MGRN1: variants seen among roughly 807,000 people sequenced by gnomAD.
The protein encoded by MGRN1 is mahogunin ring finger 1.
MGRN1 carries 29 observed loss-of-function variants against 69.2 expected under a neutral mutation model. The ratio of observed to expected loss-of-function variants is 0.42; its 90% CI spans 0.31 to 0.57. The LOEUF (loss-of-function observed/expected upper bound fraction) is 0.57. MGRN1 is among the 20% of genes least tolerant of loss of function. The probability of loss-of-function intolerance (pLI) is 0.15; values close to 1 mark genes in which losing one functional copy is unlikely to be tolerated. For synonymous variants in MGRN1, 470 were observed against 344.2 expected (o/e 1.37, Z -4.04); for missense variants, 998 against 796.2 (o/e 1.25, Z -3.05).
At chr16:4,645,145 C>CG (rs1555449009) in intron 1 of MGRN1, among the ~76,000 whole-genome samples, 4 of 4,284 alleles carry the variant, frequency 9.3e-4, no homozygotes, top group African/African-American at 3.0e-3. Context: ...TGAGAGTTGG[C>CG]GGGGGTGGGG....
At chr16:4,639,813 C>G (rs2078118031) in intron 1 of MGRN1, 3 of 152,246 alleles carry the variant, frequency 2.0e-5, no homozygotes, top group Admixed American at 2.0e-4. Flanking sequence ...GAACTCTGGT[C>G]TGATAAACAT....
At chr16:4,634,177 G>A (rs1243768340) in intron 1 of MGRN1, among the ~76,000 whole-genome samples, 1 of 152,244 alleles carries the variant, frequency 6.6e-6, no homozygotes, top group Non-Finnish European at 1.5e-5. Context: ...TGGGGCCCCA[G>A]GTTTCCCTGG....
intron 16 of MGRN1, chr16:4,688,339 C>T: frequency 2.0e-6 from 2 of 989,876 alleles, no homozygotes; most frequent in Non-Finnish European, 2.4e-6. Flanking sequence ...CAGTAGCCAT[C>T]CGGGGGCTAC....
At chr16:4,667,253 T>C (rs2078825995) in intron 7 of MGRN1, among the ~76,000 whole-genome samples, 1 of 152,156 alleles carries the variant, frequency 6.6e-6, no homozygotes, top group South Asian at 2.1e-4. Context: ...GTGATCTGGG[T>C]CTTTCTAGAG....
At chr16:4,654,569 T>A (rs1455148522) in intron 4 of MGRN1, among the ~76,000 whole-genome samples, 2 of 152,194 alleles carry the variant, frequency 1.3e-5, no homozygotes, top group African/African-American at 4.8e-5. Context: ...AGTGGTCAGC[T>A]TTGCATCTGG....
intron 3 of MGRN1, 122 bp from the exon 4 acceptor site, chr16:4,652,556 A>T: frequency 7.8e-7 from 1 of 1,281,114 alleles, no homozygotes; most frequent in Non-Finnish European, 1.0e-6. Context: ...CCCTATGTCT[A>T]CTGGAGAAGC....
At chr16:4,634,196 T>G (rs1477910667) in intron 1 of MGRN1, 2 of 152,290 alleles carry the variant, frequency 1.3e-5, no homozygotes, top group African/African-American at 2.4e-5. Context: ...GGCTGAGCCC[T>G]GGGGGTCACC....
intron 5 of MGRN1, 134 bp downstream of exon 5, chr16:4,657,497 T>G (rs1271663944): frequency 4.7e-6 from 4 of 857,286 alleles, no homozygotes; most frequent in Non-Finnish European, 7.5e-6. Flanking sequence ...GCCGCCCCAG[T>G]CTGTGCTCAG....
rs908841261 is a variant in MGRN1 at position 4,690,104 on chromosome 16, C to T, written c.*1196C>T. On this transcript the variant is annotated 3_prime_UTR_variant, in exon 17 of 17. Coordinates refer to ENST00000262370, the MANE Select transcript of MGRN1 (RefSeq NM_015246.4). ...CTGATTTGGTTTGTTCTGTCTCAGG[C>T]TTCTGTGGCAGGACTGGCCCAGGGA... is the stretch of plus-strand genomic sequence containing the variant. 1.3e-5 allele frequency: 2 copies of T among 152,412 alleles called. No homozygotes were observed. The highest frequency in any genetic ancestry group is 4.8e-5 in the African/African-American group (2 of 41,462). The allele number at this position is 152,412 out of a possible 1,614,324, so 9.4% of individuals were successfully genotyped here.
intron 2 of MGRN1, chr16:4,650,756 C>T (rs150256701): frequency 2.5e-5 from 8 of 325,494 alleles, no homozygotes; most frequent in African/African-American, 6.4e-5. Context: ...GCAACGGCTG[C>T]GGAACATGGT....
intron 4 of MGRN1, among the ~76,000 whole-genome samples, chr16:4,653,484 T>A (rs1053906531): frequency 1.3e-5 from 2 of 151,912 alleles, no homozygotes; most frequent in African/African-American, 2.4e-5. Context: ...GGTTTTTGTT[T>A]TGTTTTTGTT....
intron 16 of MGRN1, among the ~76,000 whole-genome samples, chr16:4,685,922 C>G (rs957058475): frequency 2.0e-5 from 3 of 152,166 alleles, no homozygotes; most frequent in African/African-American, 7.2e-5. Flanking sequence ...TGGCCCTGAG[C>G]TCGGTCCTGT....
chr16:4,657,277 G>A lies in MGRN1; in HGVS notation c.475G>A (p.Glu159Lys), dbSNP rs776522571. ...CCCCAAGAGCCCCTCGCTACAGTCC[G>A]AGACCGTCCACTACAAGAGAGGGGT... ...YSPKSPSLQS[E>K]TVHYKRGVSQ... The change falls in exon 5 of 17, where the codon GAG (glutamate) becomes AAG (lysine). Residue 159 changes from glutamate (E) to lysine (K), a missense_variant. Physicochemically the swap from Glu to Lys is moderately conservative, Grantham distance 56 (BLOSUM62 1). Coordinates refer to ENST00000262370, the MANE Select transcript of MGRN1 (RefSeq NM_015246.4). 1.6e-5 allele frequency: 26 copies of A among 1,614,018 alleles called. No homozygotes were observed. The highest frequency in any genetic ancestry group is 2.2e-5 in the South Asian group (2 of 91,080).
intron 5 of MGRN1, among the ~76,000 whole-genome samples, chr16:4,659,819 G>A (rs2078635402): frequency 6.6e-6 from 1 of 152,190 alleles, no homozygotes; most frequent in African/African-American, 2.4e-5. Flanking sequence ...GAGAAGGCTG[G>A]GTGGCCTGAG....
chr16:4,639,572 C>G (rs944821295), intron 1 of MGRN1, among the ~76,000 whole-genome samples: 6 of 152,204 alleles, frequency 3.9e-5, no homozygotes, highest in African/African-American at 1.4e-4. Context: ...CTGCCTATGA[C>G]TTGGGCATCC....
chr16:4,682,703 C>A, intron 13 of MGRN1, 120 bp from the exon 14 acceptor site: 1 of 1,195,000 alleles, frequency 8.4e-7, no homozygotes. Flanking sequence ...CAGGGAGTGT[C>A]CTTGCGTGGG....
chr16:4,646,890 G>T (rs144241857), intron 1 of MGRN1, among the ~76,000 whole-genome samples: 4 of 152,302 alleles, frequency 2.6e-5, no homozygotes, highest in Non-Finnish European at 5.9e-5. Flanking sequence ...CCTGCCTGGG[G>T]CCATGGAGTG....
At chr16:4,648,010 A>C (rs1249458299) in intron 1 of MGRN1, among the ~76,000 whole-genome samples, 1 of 152,056 alleles carries the variant, frequency 6.6e-6, no homozygotes, top group African/African-American at 2.4e-5. Flanking sequence ...CGGGAAGGAC[A>C]CAGACCATGC....
rs1447422342 is a variant in MGRN1 at position 4,664,786 on chromosome 16, C to T, written c.628+11C>T. The stretch of plus-strand genomic sequence containing the variant: ...TGGACGAAGGAGATGGTGAGTGCGT[C>T]CTCTTCCGTCCTCCTGGGCGTGCAG... On this transcript the variant is annotated intron_variant, in intron 6 of 16. Coordinates refer to ENST00000262370, the MANE Select transcript of MGRN1 (RefSeq NM_015246.4). 1.2e-6 allele frequency: 2 copies of T among 1,614,038 alleles called. No individual in the cohort carries two copies. The highest frequency in any genetic ancestry group is 1.7e-6 in the Non-Finnish European group (2 of 1,179,878).
Sources: allele counts gnomAD v4.1 joint callset (sites outside exome capture counted in the v4.1 genomes callset), GRCh38; gene constraint gnomAD v4.1.1; transcripts MANE v1.5; gene names NCBI Gene and HGNC (gene_info 2026-07-23, HGNC 2026-07-21).